Variants in LEKR1 observed in about 807,000 individuals in gnomAD.
LEKR1 encodes leucine, glutamate and lysine rich 1.
A neutral mutation model predicts 72.4 loss-of-function variants in LEKR1; 59 were observed. That is an observed-to-expected ratio of 0.82 (90% CI 0.66 to 1.01). The LOEUF (loss-of-function observed/expected upper bound fraction) is 1.01, where lower values mean the gene tolerates loss of function less well. Ranked by LOEUF, LEKR1 falls within the 50% of genes least tolerant of loss-of-function variation. The pLI, the probability that LEKR1 is intolerant of heterozygous loss-of-function variation, is 0.00. For missense variants in LEKR1, 728 were observed against 759.2 expected (o/e 0.96, Z 0.48); for synonymous variants, 257 against 263.2 (o/e 0.98, Z 0.23).
chr3:157,034,225 A>G (rs1341433626), intron 12 of LEKR1, among the ~76,000 whole-genome samples: 1 of 152,200 alleles, frequency 6.6e-6, no homozygotes, highest in African/African-American at 2.4e-5. Flanking sequence ...TTATTATTTA[A>G]GAAATATATT....
intron 10 of LEKR1, among the ~76,000 whole-genome samples, chr3:157,024,540 A>C (rs1238859192): frequency 6.6e-6 from 1 of 152,134 alleles, no homozygotes; most frequent in Admixed American, 6.6e-5. Flanking sequence ...CTCCTCTACT[A>C]ATTTTTCAGG....
intron 2 of LEKR1, among the ~76,000 whole-genome samples, chr3:156,842,306 C>G (rs543526684): frequency 6.6e-6 from 1 of 151,896 alleles, no homozygotes; most frequent in Non-Finnish European, 1.5e-5. Flanking sequence ...AAAAAAGGAC[C>G]TGAGATGTGT....
At chr3:156,917,533 CA>C (rs1212985154) in intron 3 of LEKR1, among the ~76,000 whole-genome samples, 2 of 151,954 alleles carry the variant, frequency 1.3e-5, no homozygotes, top group African/African-American at 4.8e-5. Context: ...ATATATCACA[CA>C]AAGAAATAGA....
chr3:157,006,155 G>A (rs1322973344), intron 9 of LEKR1, among the ~76,000 whole-genome samples: 5 of 151,868 alleles, frequency 3.3e-5, no homozygotes, highest in Admixed American at 2.6e-4. Context: ...ACAGGCGCCC[G>A]CCACCGCGCC....
chr3:156,960,039 ACT>A (rs1274905429), intron 6 of LEKR1, among the ~76,000 whole-genome samples: 2 of 152,100 alleles, frequency 1.3e-5, no homozygotes, highest in Admixed American at 6.6e-5. Context: ...TAGGCAGGTG[ACT>A]CTGACATGCC....
At chr3:156,969,776 G>A (rs922980085) in intron 6 of LEKR1, among the ~76,000 whole-genome samples, 1 of 152,114 alleles carries the variant, frequency 6.6e-6, no homozygotes, top group Non-Finnish European at 1.5e-5. Context: ...ATTTTATGAG[G>A]CCAGCATCAT....
At chr3:157,038,314 T>C (rs758432312) in intron 12 of LEKR1, among the ~76,000 whole-genome samples, 10 of 152,108 alleles carry the variant, frequency 6.6e-5, no homozygotes, top group Non-Finnish European at 1.0e-4. Flanking sequence ...AGTGCTGAGA[T>C]GGGAAATGCT....
chr3:156,863,885 C>A (rs1045296563), intron 3 of LEKR1, among the ~76,000 whole-genome samples: 3 of 151,946 alleles, frequency 2.0e-5, no homozygotes, highest in African/African-American at 7.3e-5. Context: ...ACTGAAGAAA[C>A]CCAGTTGTAC....
At chr3:156,895,549 T>G (rs1047465237) in intron 3 of LEKR1, among the ~76,000 whole-genome samples, 3 of 151,854 alleles carry the variant, frequency 2.0e-5, no homozygotes, top group Non-Finnish European at 4.4e-5. Context: ...AAGCAGAGGT[T>G]GCAATGAGCT....
chr3:156,975,468 C>T (rs1729610825), intron 6 of LEKR1, among the ~76,000 whole-genome samples: 1 of 152,126 alleles, frequency 6.6e-6, no homozygotes, highest in Admixed American at 6.5e-5. Context: ...AATAACTTTC[C>T]ACTATATAGG....
chr3:156,863,901 G>A (rs899217192), intron 3 of LEKR1, among the ~76,000 whole-genome samples: 19 of 151,972 alleles, frequency 1.3e-4, no homozygotes, highest in Non-Finnish European at 2.2e-4. Flanking sequence ...TGTACAAAAA[G>A]CCATCCAGTG....
intron 3 of LEKR1, among the ~76,000 whole-genome samples, chr3:156,912,190 T>G (rs1269776263): frequency 1.3e-5 from 2 of 152,306 alleles, no homozygotes; most frequent in East Asian, 3.9e-4. Flanking sequence ...TTGGGTTACA[T>G]AAATAAATTG....
chr3:156,917,142 G>A (rs1723735243), intron 3 of LEKR1, among the ~76,000 whole-genome samples: 1 of 152,122 alleles, frequency 6.6e-6, no homozygotes, highest in South Asian at 2.1e-4. Flanking sequence ...AATTTTGGTA[G>A]TTAGAATGTG....
intron 9 of LEKR1, among the ~76,000 whole-genome samples, chr3:157,002,792 T>A (rs1732114517): frequency 6.6e-6 from 1 of 152,186 alleles, no homozygotes; most frequent in African/African-American, 2.4e-5. Context: ...CCTTGAAAAT[T>A]CAGTGAATAA....
At chr3:157,040,719 A>C (rs1167788123) in intron 12 of LEKR1, among the ~76,000 whole-genome samples, 1 of 152,234 alleles carries the variant, frequency 6.6e-6, no homozygotes, top group Non-Finnish European at 1.5e-5. Context: ...TGGAAACTGT[A>C]ATCTGATCAT....
intron 5 of LEKR1, among the ~76,000 whole-genome samples, chr3:156,935,432 A>C (rs948812968): frequency 6.6e-6 from 1 of 152,202 alleles, no homozygotes; most frequent in African/African-American, 2.4e-5. Flanking sequence ...ACATGTGCAA[A>C]TATGTGTAAA....
At chr3:156,987,075 T>C (rs944182663) in intron 7 of LEKR1, among the ~76,000 whole-genome samples, 2 of 151,678 alleles carry the variant, frequency 1.3e-5, no homozygotes, top group African/African-American at 4.8e-5. Context: ...TTGTATTGTA[T>C]TGTATTGTAT....
In LEKR1 at chr3:157,020,275, T is replaced by TATA. The variant is rs1733714881; in HGVS notation, c.1204-4483_1204-4482insAAT. 2.0e-5 allele frequency among the ~76,000 whole-genome samples: 3 copies of TATA among 147,496 alleles called. No homozygotes were observed. In the Admixed American group the frequency reaches 2.0e-4, roughly 10 times the overall value. ...TTTCTTTTATTATTATTATTATTAT[T>TATA]ATTATTATTATTATTATTATACTTT... On this transcript the variant is annotated intron_variant, in intron 10 of 12. Transcript: ENST00000356539.
chr3:156,947,824 C>T (rs150956730), intron 6 of LEKR1, among the ~76,000 whole-genome samples: 652 of 151,238 alleles, frequency 4.3e-3, no homozygotes, highest in African/African-American at 0.015. Context: ...AGGTGCTAAG[C>T]CCTTTCTGTC....
Sources: allele counts gnomAD v4.1 joint callset (sites outside exome capture counted in the v4.1 genomes callset), GRCh38; gene constraint gnomAD v4.1.1; transcripts MANE v1.5; gene names NCBI Gene and HGNC (gene_info 2026-07-23, HGNC 2026-07-21).